PHACTR3: variants seen among roughly 807,000 people sequenced by gnomAD.
PHACTR3 encodes protein phosphatase 1, regulatory subunit 123.
Under a neutral mutation model 66.8 loss-of-function variants are expected in PHACTR3, and 16 were observed. The ratio of observed to expected loss-of-function variants is 0.24; its 90% confidence interval spans 0.16 to 0.36. PHACTR3 has a LOEUF of 0.36. PHACTR3 is among the 10% of genes least tolerant of loss of function. The pLI, the probability that PHACTR3 is intolerant of heterozygous loss-of-function variation, is 1.00. For missense variants in PHACTR3, 647 were observed against 719.9 expected, an observed-to-expected ratio of 0.90 and a Z score of 1.16; for synonymous variants, 323 against 292.1, an observed-to-expected ratio of 1.11 and a Z score of -1.08.
At chr20:59,650,740 CAAAA>C (rs34879994) in intron 1 of PHACTR3, among the ~76,000 whole-genome samples, 2 of 61,484 alleles carry the variant, frequency 3.3e-5, no homozygotes, top group Non-Finnish European at 3.1e-5. Context: ...GCGTTGATAG[CAAAA>C]AAAAAAAAAA....
intron 1 of PHACTR3, among the ~76,000 whole-genome samples, chr20:59,710,884 G>C (rs2037888421): frequency 6.7e-6 from 1 of 148,546 alleles, no homozygotes; most frequent in Non-Finnish European, 1.5e-5. Context: ...TACACCTTCA[G>C]AAAGATTTTG....
intron 10 of PHACTR3, among the ~76,000 whole-genome samples, chr20:59,840,954 T>G (rs1318902539): frequency 1.3e-5 from 2 of 152,368 alleles, no homozygotes; most frequent in Non-Finnish European, 2.9e-5. Flanking sequence ...TGACCATTTC[T>G]AAATTCAAGT....
At chr20:59,786,850 G>C (rs2040934390) in intron 7 of PHACTR3, among the ~76,000 whole-genome samples, 1 of 152,196 alleles carries the variant, frequency 6.6e-6, no homozygotes, top group African/African-American at 2.4e-5. Context: ...AGCGCTCTCT[G>C]TGTAGTTAAC....
chr20:59,658,424 A>G (rs1467167662), intron 1 of PHACTR3, among the ~76,000 whole-genome samples: 1 of 150,750 alleles, frequency 6.6e-6, no homozygotes, highest in African/African-American at 2.4e-5. Flanking sequence ...TATTTTAGCA[A>G]CTCTGGATAC....
chr20:59,746,352 C>T (rs561546171), intron 2 of PHACTR3, among the ~76,000 whole-genome samples: 2 of 152,354 alleles, frequency 1.3e-5, no homozygotes, highest in South Asian at 2.1e-4. Context: ...CATCTGTCCT[C>T]CCACCTGTGC....
At chr20:59,621,984 C>A (rs1267896740) in intron 1 of PHACTR3, among the ~76,000 whole-genome samples, 1 of 152,180 alleles carries the variant, frequency 6.6e-6, no homozygotes, top group Admixed American at 6.5e-5. Flanking sequence ...AGGCAATAAC[C>A]TTCACTACAG....
intron 1 of PHACTR3, among the ~76,000 whole-genome samples, chr20:59,716,474 A>C (rs1204398284): frequency 6.6e-6 from 1 of 151,686 alleles, no homozygotes; most frequent in Non-Finnish European, 1.5e-5. Context: ...GCTGGTCTTG[A>C]ACTCCCAACC....
rs1186256 is a variant in PHACTR3 at position 59,738,633 on chromosome 20, G to A, written c.119-4474G>A. On this transcript the variant is annotated intron_variant, in intron 1 of 12. Transcript: ENST00000371015. This position sits in a 1 kb window ranked among gnomAD's most constrained non-coding sequence, Gnocchi z 4.4. ...ACACAAATACCCTCCTCTGGAGCCC[G>A]TGTGGTGTCTGTCGTGGGGACCCAC... Among the ~76,000 whole-genome samples the A allele has an allele frequency of 0.97, 146,966 of 152,170 alleles. 71,027 individuals carry two copies. Among genetic ancestry groups the A allele is most frequent in the African/African-American group, 0.99 (41,074 of 41,538 alleles).
At chr20:59,674,477 CCCCTTGTTCTCG>C (rs1290766327) in intron 1 of PHACTR3, among the ~76,000 whole-genome samples, 3,596 of 102,636 alleles carry the variant, frequency 0.035, 16 homozygotes, top group East Asian at 0.072. Context: ...TCTCCTGTTC[CCCCTTGTTCTCG>C]TTCCCCTTCT....
At chr20:59,808,620 C>T (rs1247678564) in intron 8 of PHACTR3, among the ~76,000 whole-genome samples, 1 of 152,230 alleles carries the variant, frequency 6.6e-6, no homozygotes, top group African/African-American at 2.4e-5. Context: ...TCCCGGAGCG[C>T]CAGTGCCTCT....
chr20:59,846,695 A>G lies in PHACTR3; in HGVS notation c.1665-420A>G, dbSNP rs1384739498. ...ACCCTAAAATTATTTCAACAATTCA[A>G]GAGTCAGAACGGTATTTTTGGTTAT... is the stretch of plus-strand genomic sequence containing the variant. On this transcript the variant is annotated intron_variant, in intron 12 of 12. Transcript: ENST00000371015. Among the ~76,000 whole-genome samples, 3 of 152,216 alleles carry G rather than the reference A, an allele frequency of 2.0e-5. No homozygotes were observed. The East Asian group carries it at 5.8e-4, about 29-fold the overall frequency.
intron 8 of PHACTR3, among the ~76,000 whole-genome samples, chr20:59,808,998 G>C (rs2041655075): frequency 6.6e-6 from 1 of 152,222 alleles, no homozygotes; most frequent in African/African-American, 2.4e-5. Flanking sequence ...CCTGAGGTCA[G>C]AGACAACAGA....
chr20:59,789,148 G>A (rs2041015217), intron 7 of PHACTR3, among the ~76,000 whole-genome samples: 1 of 152,242 alleles, frequency 6.6e-6, no homozygotes, highest in Non-Finnish European at 1.5e-5. Context: ...CCCTGGGTTA[G>A]CCCATAATTG....
intron 7 of PHACTR3, among the ~76,000 whole-genome samples, chr20:59,778,176 C>A (rs1432628014): frequency 6.6e-6 from 1 of 152,158 alleles, no homozygotes; most frequent in Non-Finnish European, 1.5e-5. Flanking sequence ...TCTCTCTGTG[C>A]CACCATTGCC....
chr20:59,761,719 G>A (rs969481576), intron 4 of PHACTR3, among the ~76,000 whole-genome samples: 2 of 152,242 alleles, frequency 1.3e-5, no homozygotes, highest in Admixed American at 1.3e-4. Context: ...ACACAGAAGG[G>A]TGTCAGTGGA....
At chr20:59,803,166 C>G (rs1195218575) in intron 7 of PHACTR3, among the ~76,000 whole-genome samples, 2 of 152,216 alleles carry the variant, frequency 1.3e-5, no homozygotes, top group Non-Finnish European at 2.9e-5. Context: ...CAAATGCAGA[C>G]TGTCACATGT....
chr20:59,760,008 G>A (rs1205307365), intron 4 of PHACTR3, among the ~76,000 whole-genome samples: 2 of 152,122 alleles, frequency 1.3e-5, no homozygotes, highest in Admixed American at 1.3e-4. Flanking sequence ...GCTCATTGCT[G>A]TCCTGAAAGG....
chr20:59,722,093 G>A (rs1028425293), intron 1 of PHACTR3, among the ~76,000 whole-genome samples: 17 of 152,116 alleles, frequency 1.1e-4, no homozygotes, highest in African/African-American at 3.4e-4. Context: ...TTAGCCGGGT[G>A]TGGTGGCGGG....
chr20:59,630,648 G>A (rs917489747), intron 1 of PHACTR3, among the ~76,000 whole-genome samples: 3 of 152,184 alleles, frequency 2.0e-5, no homozygotes, highest in Admixed American at 6.5e-5. Context: ...GGAGACACCG[G>A]GTGGTGCAGT....
Sources: allele counts gnomAD v4.1 joint callset (sites outside exome capture counted in the v4.1 genomes callset), GRCh38; gene constraint gnomAD v4.1.1; non-coding constraint Gnocchi (gnomAD v3.1); transcripts MANE v1.5; gene names NCBI Gene and HGNC (gene_info 2026-07-23, HGNC 2026-07-21).